The following GPHN variants were observed in gnomAD, a reference collection of about 807,000 sequenced individuals.
GPHN encodes gephyrin.
Under a neutral mutation model 95.5 loss-of-function variants are expected in GPHN, and 17 were observed. The ratio of observed to expected loss-of-function variants is 0.18; its 90% CI spans 0.12 to 0.27. The LOEUF (loss-of-function observed/expected upper bound fraction) is 0.27, where lower values mean the gene tolerates loss of function less well. Ranked by LOEUF, GPHN falls within the 10% of genes least tolerant of loss-of-function variation. GPHN has a pLI of 1.00. For missense variants in GPHN, 660 were observed against 978.1 expected (o/e 0.67, Z 4.34); for synonymous variants, 320 against 322.5 (o/e 0.99, Z 0.08).
In GPHN at chr14:66,929,213, G is replaced by A. The variant is rs146443885; in HGVS notation, c.828+4921G>A. Reference sequence around the variant, plus strand: ...TGGGATTACAGGCACGCGCCACCGTGCCCAGCTAATTTTTGTGTTTAGTAG... The same window carrying A: ...TGGGATTACAGGCACGCGCCACCGTACCCAGCTAATTTTTGTGTTTAGTAG... On this transcript the variant is annotated intron_variant, in intron 8 of 22. Coordinates refer to ENST00000478722, the MANE Select transcript of GPHN (RefSeq NM_020806.5). Among the ~76,000 whole-genome samples, 1,508 of 151,988 alleles carry A rather than the reference G, an allele frequency of 9.9e-3. 10 individuals are homozygous for A. Among genetic ancestry groups the A allele is most frequent in the Non-Finnish European group, 0.015 (1,048 of 67,962 alleles).
the GPHN span, among the ~76,000 whole-genome samples, chr14:67,625,530 A>G: frequency 2.0e-5 from 3 of 151,912 alleles, no homozygotes; most frequent in South Asian, 2.1e-4. Flanking sequence ...ACAAAAAAAA[A>G]TTAGCCGGGC....
the GPHN span, chr14:67,198,829 C>T: frequency 5.4e-6 from 3 of 554,602 alleles, no homozygotes; most frequent in Non-Finnish European, 1.0e-5. Flanking sequence ...TTTCTCTAAA[C>T]ATTCAACATT....
At chr14:67,303,391 A>T in the GPHN span, 1 of 663,596 alleles carries the variant, frequency 1.5e-6, no homozygotes, top group South Asian at 1.8e-5. Flanking sequence ...TTGGTAGAGC[A>T]AAGTGCTGCT....
chr14:66,598,537 T>C (rs2140796713), intron 1 of GPHN, among the ~76,000 whole-genome samples: 1 of 152,096 alleles, frequency 6.6e-6, no homozygotes, highest in South Asian at 2.1e-4. Context: ...CCCTAAAAAC[T>C]GAAAAGCAAA....
chr14:66,882,053 G>A (rs1224124175), intron 5 of GPHN, among the ~76,000 whole-genome samples: 1 of 151,746 alleles, frequency 6.6e-6, no homozygotes, highest in Non-Finnish European at 1.5e-5. Context: ...GCCATCATTA[G>A]ATTGGTTCTT....
At chr14:66,965,167 A>G (rs2069235453) in intron 8 of GPHN, 24 bp from the exon 9 acceptor site, 2 of 1,603,478 alleles carry the variant, frequency 1.2e-6, no homozygotes, top group African/African-American at 2.7e-5. Flanking sequence ...AGAATATTAA[A>G]CCATAGTTGT....
chr14:67,089,391 A>C (rs2077059063), intron 12 of GPHN, among the ~76,000 whole-genome samples: 1 of 151,946 alleles, frequency 6.6e-6, no homozygotes, highest in African/African-American at 2.4e-5. Flanking sequence ...GGGGTACATG[A>C]GATATTTAGA....
At chr14:66,642,502 T>A (rs145360992) in intron 1 of GPHN, among the ~76,000 whole-genome samples, 153 of 151,594 alleles carry the variant, frequency 1.0e-3, no homozygotes, top group African/African-American at 3.5e-3. Flanking sequence ...CTGTGTGAAG[T>A]AGAATCTTTA....
the GPHN span, chr14:67,343,311 T>C: frequency 7.6e-7 from 1 of 1,315,808 alleles, no homozygotes; most frequent in Non-Finnish European, 1.1e-6. Context: ...ATTCTAGCAG[T>C]TTCACGACAA....
the GPHN span, chr14:67,572,424 G>A: frequency 6.2e-6 from 4 of 644,648 alleles, no homozygotes; most frequent in Admixed American, 1.2e-4. Context: ...GGCTGGGGGG[G>A]TGTACAGTTA....
At chr14:66,665,913 A>G (rs1425411885) in intron 1 of GPHN, among the ~76,000 whole-genome samples, 4 of 152,170 alleles carry the variant, frequency 2.6e-5, no homozygotes, top group Non-Finnish European at 5.9e-5. Context: ...ATGGAATACT[A>G]TGCAGCCATA....
chr14:67,724,424 T>G, the GPHN span: 134 of 1,165,244 alleles, frequency 1.1e-4, no homozygotes, highest in Non-Finnish European at 1.5e-4. Flanking sequence ...TATCTTAGTG[T>G]GAGCTCGTGA....
the GPHN span, among the ~76,000 whole-genome samples, chr14:67,433,799 A>G: frequency 6.6e-6 from 1 of 152,250 alleles, no homozygotes; most frequent in African/African-American, 2.4e-5. Context: ...ATGAATAAGC[A>G]TCAACACAAT....
intron 4 of GPHN, among the ~76,000 whole-genome samples, chr14:66,832,271 G>A (rs144263004): frequency 1.3e-5 from 2 of 152,266 alleles, no homozygotes; most frequent in East Asian, 3.9e-4. Flanking sequence ...AGTAGTAAAT[G>A]GCAATAAATG....
the GPHN span, among the ~76,000 whole-genome samples, chr14:67,465,140 C>A: frequency 6.6e-6 from 1 of 152,226 alleles, no homozygotes; most frequent in African/African-American, 2.4e-5. Flanking sequence ...CTGCTGGTGA[C>A]CGGCACACAG....
chr14:67,307,292 T>C, the GPHN span, among the ~76,000 whole-genome samples: 1 of 146,918 alleles, frequency 6.8e-6, no homozygotes, highest in East Asian at 2.2e-4. Context: ...TGTAAAACTT[T>C]AGATTATTCT....
chr14:67,127,229 T>A (rs1470718602), intron 17 of GPHN, among the ~76,000 whole-genome samples: 1 of 149,804 alleles, frequency 6.7e-6, no homozygotes, highest in African/African-American at 2.5e-5. Context: ...AATGTGCACA[T>A]GTACCCTAAA....
chr14:67,464,524 C>T, the GPHN span, among the ~76,000 whole-genome samples: 9,272 of 152,154 alleles, frequency 0.061, 493 homozygotes, highest in African/African-American at 0.14. Context: ...GCCCCCACCA[C>T]GCAGCAGCCA....
intron 21 of GPHN, among the ~76,000 whole-genome samples, chr14:67,170,010 G>A (rs8020041): frequency 0.031 from 4,690 of 152,154 alleles, 235 homozygotes; most frequent in African/African-American, 0.11. Flanking sequence ...CCCGGGAGGC[G>A]GAGGTTGCAG....
Sources: gnomAD v4.1 joint callset for allele counts (sites outside exome capture counted in the v4.1 genomes callset) on GRCh38, gnomAD v4.1.1 for gene constraint, MANE v1.5 for transcripts, NCBI Gene and HGNC (gene_info 2026-07-23, HGNC 2026-07-21) for gene names.